Variants in BLOC1S3 observed in about 807,000 individuals in gnomAD.
The protein encoded by BLOC1S3 is biogenesis of lysosome-related organelles complex 1 subunit 3.
In BLOC1S3, 7 loss-of-function variants were observed where a neutral mutation model predicts 9.1. That is an observed-to-expected ratio of 0.77 (90% confidence interval 0.44 to 1.45). BLOC1S3 has a LOEUF of 1.45. BLOC1S3 is among the 40% of genes most tolerant of loss of function. BLOC1S3 has a pLI of 0.01. For missense variants in BLOC1S3, 307 were observed against 315.2 expected, an observed-to-expected ratio of 0.97 and a Z score of 0.20; for synonymous variants, 145 against 158.4, an observed-to-expected ratio of 0.92 and a Z score of 0.64.
At chr19:45,198,540 TG>T (rs1969666313) in intron 2 of BLOC1S3, among the ~76,000 whole-genome samples, 1 of 152,160 alleles carries the variant, frequency 6.6e-6, no homozygotes, top group African/African-American at 2.4e-5. Flanking sequence ...GTGATCCACC[TG>T]TCTCAGCCTC....
chr19:45,196,617 G>T (rs1003103276), intron 2 of BLOC1S3, among the ~76,000 whole-genome samples: 2 of 152,200 alleles, frequency 1.3e-5, no homozygotes, highest in African/African-American at 4.8e-5. Flanking sequence ...TCTTAGCCGG[G>T]AGCGGTGGCT....
downstream of BLOC1S3, among the ~76,000 whole-genome samples, chr19:45,186,323 T>C (rs1969565485): frequency 6.6e-6 from 1 of 152,064 alleles, no homozygotes; most frequent in African/African-American, 2.4e-5. Context: ...AGCCAAATCG[T>C]ATATTATTAT....
Position 45,179,965 on chromosome 19 carries a change from C to A in BLOC1S3, c.*60C>A. On this transcript the variant is annotated 3_prime_UTR_variant, in exon 2 of 2. Coordinates refer to ENST00000433642, the MANE Select transcript of BLOC1S3 (RefSeq NM_212550.5). The surrounding 1 kb of genome is among the most constrained non-coding windows in gnomAD (Gnocchi z 4.6). ...GGGGTAGGCCTTGCTGCCTCTGGGA[C>A]CTGACTCTGTCTCCTGTGTCTCTTA... The A allele has an allele frequency of 6.4e-7, 1 of 1,566,846 alleles. No individual in the cohort carries two copies. The highest frequency in any genetic ancestry group is 1.4e-5 in the African/African-American group (1 of 71,498).
chr19:45,179,200 C>G lies in BLOC1S3; in HGVS notation c.-9-88C>G. On this transcript the variant is annotated intron_variant, in intron 1 of 1. Transcript: ENST00000433642. This position sits in a 1 kb window ranked among gnomAD's most constrained non-coding sequence, Gnocchi z 4.6. Reference sequence around the variant, plus strand: ...GCTGACACCAAGTCGTTAAGAGAATCAGCGAAGGGGCTGGGAATCCAGGAC... The same window carrying G: ...GCTGACACCAAGTCGTTAAGAGAATGAGCGAAGGGGCTGGGAATCCAGGAC... 7.3e-7 allele frequency: 1 copy of G among 1,363,220 alleles called. No homozygotes were observed. The highest frequency in any genetic ancestry group is 9.5e-7 in the Non-Finnish European group (1 of 1,051,658). 84.4% of individuals were successfully genotyped at this position (1,363,220 alleles called of 1,614,324 possible).
At chr19:45,192,073 G>A (rs528640520) in intron 2 of BLOC1S3, among the ~76,000 whole-genome samples, 2 of 152,312 alleles carry the variant, frequency 1.3e-5, no homozygotes, top group African/African-American at 2.4e-5. Context: ...AGGGCCTGGA[G>A]TTGGAAACCT....
chr19:45,206,462 T>TTTTTGTTTTTTTTG lies in BLOC1S3; in HGVS notation n.282+3959_282+3960insGTTTTTTTTGTTTT, dbSNP rs1555754633. Among the ~76,000 whole-genome samples, 42 of 115,440 alleles carry TTTTTGTTTTTTTTG rather than the reference T, an allele frequency of 3.6e-4. 2 individuals are homozygous for TTTTTGTTTTTTTTG. Among genetic ancestry groups the TTTTTGTTTTTTTTG allele is most frequent in the Non-Finnish European group, 7.1e-4 (40 of 56,618 alleles). The allele number at this position is 115,440 out of a possible 152,430, so 75.7% of individuals were successfully genotyped here. On this transcript the variant is annotated intron_variant and non_coding_transcript_variant, in intron 3 of 3. Coordinates refer to the BLOC1S3 transcript ENST00000591569. The stretch of plus-strand genomic sequence containing the variant: ...TTGGATTAATCAAGTTTTTTTTTTT[T>TTTTTGTTTTTTTTG]TTTTTTTTTTTGAGCAAGGATCTCA...
chr19:45,199,691 T>C (rs1204910814), intron 2 of BLOC1S3, among the ~76,000 whole-genome samples: 1 of 143,922 alleles, frequency 6.9e-6, no homozygotes, highest in Non-Finnish European at 1.5e-5. Flanking sequence ...TTCTCTTCTG[T>C]TCTCTTCTGT....
At chr19:45,206,844 T>C (rs1469118694) in intron 3 of BLOC1S3, among the ~76,000 whole-genome samples, 4 of 151,940 alleles carry the variant, frequency 2.6e-5, no homozygotes, top group South Asian at 2.1e-4. Flanking sequence ...TATTATTTTA[T>C]TTATTTATTT....
chr19:45,179,372 G>A lies in BLOC1S3; in HGVS notation c.76G>A (p.Asp26Asn). 1.3e-6 allele frequency: 2 copies of A among 1,584,116 alleles called. No homozygotes were observed. The highest frequency in any genetic ancestry group is 1.7e-6 in the Non-Finnish European group (2 of 1,173,278). Residue 26 changes from aspartate to asparagine, a missense_variant, in exon 2 of 2, where the codon GAT (aspartate) becomes AAT (asparagine). Coordinates refer to ENST00000433642, the MANE Select transcript of BLOC1S3 (RefSeq NM_212550.5). This position sits in a 1 kb window ranked among gnomAD's most constrained non-coding sequence, Gnocchi z 4.6. Reference sequence around the variant, plus strand: ...GGTGCCGGGGGAGGCGACCGAGACGGATTCCGAGCGCTCTGCGTCCTCGTC... The same window carrying A: ...GGTGCCGGGGGAGGCGACCGAGACGAATTCCGAGCGCTCTGCGTCCTCGTC... ...TVVPGEATET[D>N]SERSASSSEE...
chr19:45,214,894 G>A (rs910107938), intron 3 of BLOC1S3, among the ~76,000 whole-genome samples: 4 of 151,864 alleles, frequency 2.6e-5, no homozygotes, highest in Non-Finnish European at 4.4e-5. Flanking sequence ...AGTGGCTCAC[G>A]CCTGTAATCT....
chr19:45,196,654 A>T (rs935560513), intron 2 of BLOC1S3, among the ~76,000 whole-genome samples: 9 of 152,132 alleles, frequency 5.9e-5, no homozygotes, highest in African/African-American at 1.9e-4. Context: ...GCACTTTGGG[A>T]GGCCGAGGCG....
intron 3 of BLOC1S3, among the ~76,000 whole-genome samples, chr19:45,215,550 T>G (rs1311444591): frequency 6.6e-6 from 1 of 152,122 alleles, no homozygotes; most frequent in Non-Finnish European, 1.5e-5. Context: ...GAACTGGAAT[T>G]GTTACTATAG....
rs149025253 is a variant in BLOC1S3 at position 45,197,709 on chromosome 19, C to T, written n.181-4697C>T. ...GCATGATGGTGGGTGCCTGTAATCC[C>T]AGCTACTCAGGAGGCTGAAACAGGA... On this transcript the variant is annotated intron_variant and non_coding_transcript_variant, in intron 2 of 3. Coordinates refer to the BLOC1S3 transcript ENST00000591569. 2.0e-3 allele frequency among the ~76,000 whole-genome samples: 300 copies of T among 151,326 alleles called. 1 individual carries two copies. Among genetic ancestry groups the T allele is most frequent in the African/African-American group, 7.1e-3 (294 of 41,198 alleles).
intron 3 of BLOC1S3, among the ~76,000 whole-genome samples, chr19:45,216,484 C>T (rs1969836506): frequency 6.6e-6 from 1 of 152,072 alleles, no homozygotes; most frequent in South Asian, 2.1e-4. Flanking sequence ...GAGGCTGAAG[C>T]AGGAGAATCA....
At chr19:45,188,243 G>A (rs763164298) in intron 2 of BLOC1S3, among the ~76,000 whole-genome samples, 7 of 152,070 alleles carry the variant, frequency 4.6e-5, no homozygotes, top group Non-Finnish European at 8.8e-5. Context: ...GGCTGGTCTC[G>A]AACTCCCAAC....
At position 45,180,587 on chromosome 19, in the gene BLOC1S3, T is replaced by C. The variant is rs1328096807; in HGVS notation, c.*682T>C. 1 of 167,124 alleles carries C rather than the reference T, an allele frequency of 6.0e-6. No homozygotes were observed. The highest frequency in any genetic ancestry group is 1.5e-5 in the Non-Finnish European group (1 of 68,222). The allele number at this position is 167,124 out of a possible 1,614,324, so 10.4% of individuals were successfully genotyped here. ...GCTCTGCCTTTCTGAGTTTGGTTTC[T>C]GCTTATGGTGGGGAGCTTGTTCCCG... On this transcript the variant is annotated 3_prime_UTR_variant, in exon 2 of 2. Transcript: ENST00000433642.
intron 3 of BLOC1S3, among the ~76,000 whole-genome samples, chr19:45,212,203 G>A (rs369017488): frequency 1.3e-5 from 2 of 152,314 alleles, no homozygotes; most frequent in African/African-American, 2.4e-5. Context: ...GCCAGGAGGT[G>A]TACATGGGTT....
At chr19:45,186,207 C>T (rs913353920), downstream of BLOC1S3, among the ~76,000 whole-genome samples, 1 of 152,100 alleles carries the variant, frequency 6.6e-6, no homozygotes, top group Admixed American at 6.6e-5. Flanking sequence ...TCCCCAGCAC[C>T]ACTAGCAAAG....
intron 3 of BLOC1S3, among the ~76,000 whole-genome samples, chr19:45,207,423 G>A (rs1410861142): frequency 6.6e-6 from 1 of 151,914 alleles, no homozygotes; most frequent in Non-Finnish European, 1.5e-5. Context: ...GTGAGCCACC[G>A]CGCCTCACCT....
Sources: allele counts gnomAD v4.1 joint callset (sites outside exome capture counted in the v4.1 genomes callset), GRCh38; gene constraint gnomAD v4.1.1; non-coding constraint Gnocchi (gnomAD v3.1); transcripts MANE v1.5; gene names NCBI Gene and HGNC (gene_info 2026-07-23, HGNC 2026-07-21).